Variants in UBAC2 observed in about 807,000 individuals in gnomAD.
UBAC2 encodes the protein ubiquitin-associated domain-containing protein 2.
Under a neutral mutation model 44.0 loss-of-function variants are expected in UBAC2, and 26 were observed. The ratio of observed to expected loss-of-function variants is 0.59; its 90% CI spans 0.43 to 0.82. The LOEUF (loss-of-function observed/expected upper bound fraction) is 0.82. Ranked by LOEUF, UBAC2 falls within the 40% of genes least tolerant of loss-of-function variation. UBAC2 has a pLI of 0.00. For synonymous variants in UBAC2, 155 were observed against 154.3 expected, an observed-to-expected ratio of 1.00 and a Z score of -0.04; for missense variants, 329 against 419.4, an observed-to-expected ratio of 0.78 and a Z score of 1.88.
intron 6 of UBAC2, among the ~76,000 whole-genome samples, chr13:99,338,048 T>TTTTTC (rs1491349796): frequency 3.2e-4 from 11 of 34,396 alleles, no homozygotes; most frequent in South Asian, 1.2e-3. Flanking sequence ...TCTTTTTTTC[T>TTTTTC]TTTTTTTTTT....
At chr13:99,296,672 C>A (rs138924564) in intron 4 of UBAC2, among the ~76,000 whole-genome samples, 73 of 152,106 alleles carry the variant, frequency 4.8e-4, no homozygotes, top group African/African-American at 1.7e-3. Flanking sequence ...ATGAACTTAC[C>A]ACAGTGATCT....
At chr13:99,383,871 G>A (rs2045583810) in intron 8 of UBAC2, among the ~76,000 whole-genome samples, 1 of 152,248 alleles carries the variant, frequency 6.6e-6, no homozygotes, top group South Asian at 2.1e-4. Context: ...GGCCTGGGTG[G>A]TCACTGGGAG....
chr13:99,380,099 G>T (rs2045531333), intron 8 of UBAC2, among the ~76,000 whole-genome samples: 1 of 152,114 alleles, frequency 6.6e-6, no homozygotes, highest in Non-Finnish European at 1.5e-5. Flanking sequence ...TACATGTTGT[G>T]GCCTGCATTT....
chr13:99,225,234 C>T (rs1237831393), intron 1 of UBAC2, among the ~76,000 whole-genome samples: 1 of 152,046 alleles, frequency 6.6e-6, no homozygotes, highest in East Asian at 1.9e-4. Context: ...ATTGTGCAAC[C>T]GATGTCTATA....
At chr13:99,240,014 GA>G (rs1192816308) in intron 2 of UBAC2, among the ~76,000 whole-genome samples, 2 of 152,262 alleles carry the variant, frequency 1.3e-5, no homozygotes, top group East Asian at 3.9e-4. Context: ...TTTACTTCAG[GA>G]AGTAACATGA....
In UBAC2 at chr13:99,354,523, G is replaced by C. The variant is rs571215686; in HGVS notation, c.808-13264G>C. Among the ~76,000 whole-genome samples the C allele has an allele frequency of 4.6e-5, 7 of 152,342 alleles. No individual in the cohort carries two copies. The East Asian group carries it at 1.3e-3, about 29-fold the overall frequency. ...GAAGTTCAGCAGAGCAGGGGAACAG[G>C]AGGGTTTGGGTTGCAGAGAAAGAAG... On this transcript the variant is annotated intron_variant, in intron 7 of 8. Transcript: ENST00000403766.
intron 4 of UBAC2, among the ~76,000 whole-genome samples, chr13:99,275,834 TG>T (rs2043874921): frequency 1.3e-5 from 2 of 152,198 alleles, no homozygotes; most frequent in African/African-American, 4.8e-5. Flanking sequence ...TCGATGACCA[TG>T]GGCTCTGTCA....
chr13:99,378,109 T>C (rs1395413097), intron 8 of UBAC2, among the ~76,000 whole-genome samples: 1 of 152,248 alleles, frequency 6.6e-6, no homozygotes, highest in East Asian at 1.9e-4. Context: ...TAGACACTTT[T>C]TCTGCAGCGT....
chr13:99,316,197 G>A (rs1035111079), intron 5 of UBAC2, among the ~76,000 whole-genome samples: 2 of 152,086 alleles, frequency 1.3e-5, no homozygotes, highest in African/African-American at 4.8e-5. Context: ...TTGCCTCCTT[G>A]ATAAAATCTA....
At chr13:99,253,793 C>T (rs754456404) in intron 4 of UBAC2, among the ~76,000 whole-genome samples, 1 of 152,192 alleles carries the variant, frequency 6.6e-6, no homozygotes, top group African/African-American at 2.4e-5. Flanking sequence ...GGATTACAGG[C>T]GTGAGCCACC....
chr13:99,334,695 C>T (rs1488185556), intron 6 of UBAC2, among the ~76,000 whole-genome samples: 2 of 151,810 alleles, frequency 1.3e-5, no homozygotes, highest in Admixed American at 6.6e-5. Context: ...TATTTGATAG[C>T]ACAAAAGAAC....
At chr13:99,270,875 A>G (rs1459514599) in intron 4 of UBAC2, among the ~76,000 whole-genome samples, 1 of 152,258 alleles carries the variant, frequency 6.6e-6, no homozygotes, top group Admixed American at 6.5e-5. Flanking sequence ...TTCCTTGTAT[A>G]AAGTAGCCAC....
intron 6 of UBAC2, among the ~76,000 whole-genome samples, chr13:99,321,093 C>G (rs1242586500): frequency 2.0e-5 from 3 of 152,068 alleles, no homozygotes; most frequent in Admixed American, 1.3e-4. Flanking sequence ...TTCACTTAAC[C>G]ATGTGTGTTA....
chr13:99,312,136 T>C (rs1219507878), intron 4 of UBAC2, among the ~76,000 whole-genome samples: 1 of 152,246 alleles, frequency 6.6e-6, no homozygotes, highest in Admixed American at 6.5e-5. Flanking sequence ...TTGGTTTGGT[T>C]TTGTTTTTAA....
intron 2 of UBAC2, among the ~76,000 whole-genome samples, chr13:99,241,992 G>A (rs1250737047): frequency 2.0e-5 from 3 of 150,274 alleles, no homozygotes; most frequent in African/African-American, 4.9e-5. Flanking sequence ...ATCTTGCACC[G>A]CCCTTAATCC....
chr13:99,278,876 C>T (rs1030527517), intron 4 of UBAC2, among the ~76,000 whole-genome samples: 10 of 152,172 alleles, frequency 6.6e-5, no homozygotes, highest in Non-Finnish European at 8.8e-5. Flanking sequence ...ACCGCCATGC[C>T]TCCAAGTCAA....
chr13:99,217,843 G>A (rs1452908998), intron 1 of UBAC2, among the ~76,000 whole-genome samples: 3 of 151,994 alleles, frequency 2.0e-5, no homozygotes, highest in Non-Finnish European at 2.9e-5. Flanking sequence ...TTGTTAGGTG[G>A]GTGGCAGCGT....
chr13:99,204,901 C>CTTT (rs569772649), intron 1 of UBAC2, among the ~76,000 whole-genome samples: 5 of 75,976 alleles, frequency 6.6e-5, no homozygotes, highest in Non-Finnish European at 1.2e-4. Context: ...GTTTCGTTTC[C>CTTT]TTTTTTTTTT....
At chr13:99,336,305 G>C (rs1318264376) in intron 6 of UBAC2, among the ~76,000 whole-genome samples, 1 of 152,064 alleles carries the variant, frequency 6.6e-6, no homozygotes, top group Admixed American at 6.5e-5. Context: ...ATTTATGGTA[G>C]CTTTTGGCAT....
Sources: allele counts gnomAD v4.1 joint callset (sites outside exome capture counted in the v4.1 genomes callset), GRCh38; gene constraint gnomAD v4.1.1; transcripts MANE v1.5; gene names NCBI Gene and HGNC (gene_info 2026-07-23, HGNC 2026-07-21).